RAB27B: variants seen among roughly 807,000 people sequenced by gnomAD.
RAB27B encodes the protein RAB27B, member RAS oncogene family.
In RAB27B, 15 loss-of-function variants were observed where a neutral mutation model predicts 24.6. The ratio of observed to expected loss-of-function variants is 0.61; its 90% CI spans 0.41 to 0.94. RAB27B has a LOEUF of 0.94. RAB27B is among the 40% of genes least tolerant of loss of function. The probability of loss-of-function intolerance (pLI) is 0.00; values close to 1 mark genes in which losing one functional copy is unlikely to be tolerated. For missense variants in RAB27B, 261 were observed against 266.8 expected (o/e 0.98, Z 0.15); for synonymous variants, 105 against 92.5 (o/e 1.14, Z -0.78).
intron 2 of RAB27B, among the ~76,000 whole-genome samples, chr18:54,785,389 A>C (rs907000244): frequency 1.4e-5 from 2 of 146,472 alleles, no homozygotes; most frequent in Non-Finnish European, 3.0e-5. Context: ...GGCATCAGCC[A>C]CTGAACCCGG....
At chr18:54,875,569 G>T (rs1160837915) in intron 1 of RAB27B, among the ~76,000 whole-genome samples, 1 of 150,528 alleles carries the variant, frequency 6.6e-6, no homozygotes, top group African/African-American at 2.5e-5. Flanking sequence ...AACATCCATG[G>T]TCAGCAAAAA....
chr18:54,744,455 A>G lies in RAB27B; in HGVS notation c.-20+26314A>G, dbSNP rs533305828. 3.9e-5 allele frequency among the ~76,000 whole-genome samples: 6 copies of G among 152,342 alleles called. No homozygotes were observed. The South Asian group carries it at 6.2e-4, about 16-fold the overall frequency. Reference sequence around the variant, plus strand: ...AGCTTGTTTCTTTTTGAAGGAGAATATAGAGAGGGTCAGGCCCAAGGCTAT... The same window carrying G: ...AGCTTGTTTCTTTTTGAAGGAGAATGTAGAGAGGGTCAGGCCCAAGGCTAT... On this transcript the variant is annotated intron_variant, in intron 2 of 4. Coordinates refer to the RAB27B transcript ENST00000586570.
intron 2 of RAB27B, among the ~76,000 whole-genome samples, chr18:54,771,566 A>G (rs533855993): frequency 8.4e-4 from 126 of 150,530 alleles, no homozygotes; most frequent in African/African-American, 2.9e-3. Context: ...ACAAAATGGT[A>G]TTATGGTGAT....
intron 2 of RAB27B, among the ~76,000 whole-genome samples, chr18:54,812,768 ATAATT>A (rs1228257429): frequency 2.0e-5 from 3 of 152,198 alleles, no homozygotes; most frequent in African/African-American, 7.2e-5. Context: ...AAATACTAGA[ATAATT>A]TAAATCGTAG....
rs995103922 is a variant in RAB27B, at chr18:54,828,608, G to C, written c.-112G>C. The C allele has an allele frequency of 3.3e-5, 5 of 152,312 alleles. No homozygotes were observed. Among genetic ancestry groups the C allele is most frequent in the Admixed American group, 2.6e-4 (4 of 15,286 alleles). The allele number at this position is 152,312 out of a possible 1,614,324, so 9.4% of individuals were successfully genotyped here. A position where few individuals can be genotyped will look rare whatever the true frequency, so the allele number is the denominator to read the frequency against. On this transcript the variant is annotated 5_prime_UTR_variant, in exon 1 of 6. Coordinates refer to ENST00000262094, the MANE Select transcript of RAB27B (RefSeq NM_004163.4). ...GAGCAGATCCTGTCTCCTTGCTGACGGTGGAGCCCGGGAGTTCCAGGGCTT... is the reference window on the plus strand; with the variant it reads ...GAGCAGATCCTGTCTCCTTGCTGACCGTGGAGCCCGGGAGTTCCAGGGCTT...
At chr18:54,738,233 G>A (rs1325124205) in intron 2 of RAB27B, among the ~76,000 whole-genome samples, 1 of 152,084 alleles carries the variant, frequency 6.6e-6, no homozygotes, top group Non-Finnish European at 1.5e-5. Context: ...TTCCACATAA[G>A]AATAACTGGA....
At chr18:54,836,907 G>A (rs1452591626) in intron 1 of RAB27B, among the ~76,000 whole-genome samples, 1 of 150,098 alleles carries the variant, frequency 6.7e-6, no homozygotes, top group Non-Finnish European at 1.5e-5. Context: ...GGTTAAAGCT[G>A]ATGATGTTAT....
At chr18:54,722,301 A>G (rs939123065) in intron 2 of RAB27B, among the ~76,000 whole-genome samples, 2 of 152,198 alleles carry the variant, frequency 1.3e-5, no homozygotes, top group South Asian at 2.1e-4. Context: ...CGAATCTTCT[A>G]AAGAGCAAGC....
At chr18:54,876,364 T>C (rs1434343667) in intron 1 of RAB27B, among the ~76,000 whole-genome samples, 1 of 152,090 alleles carries the variant, frequency 6.6e-6, no homozygotes, top group Non-Finnish European at 1.5e-5. Context: ...GTTGTTGAAA[T>C]TTAATTTTGA....
intron 2 of RAB27B, among the ~76,000 whole-genome samples, chr18:54,748,785 G>T (rs1380537007): frequency 3.3e-5 from 5 of 152,110 alleles, no homozygotes; most frequent in Non-Finnish European, 5.9e-5. Context: ...AGATGAAAAA[G>T]GTATACAGCA....
intron 1 of RAB27B, among the ~76,000 whole-genome samples, chr18:54,868,751 C>A (rs9958041): frequency 0.013 from 1,959 of 152,156 alleles, 58 homozygotes; most frequent in African/African-American, 0.045. Flanking sequence ...CTCAGCCTCC[C>A]AAGTAGCTGA....
At chr18:54,790,386 C>T (rs759617654) in intron 2 of RAB27B, among the ~76,000 whole-genome samples, 12 of 151,986 alleles carry the variant, frequency 7.9e-5, no homozygotes, top group Non-Finnish European at 1.3e-4. Flanking sequence ...TCAAATACTC[C>T]CAACCATTTT....
chr18:54,866,344 G>A lies in RAB27B; in HGVS notation c.-19-11223G>A, dbSNP rs140189206. ...GGGGTCTCGCTCTGTAGCCCAGGCT[G>A]GAGTGCAATGGCGCTATATCTTCTC... is the stretch of plus-strand genomic sequence containing the variant. On this transcript the variant is annotated intron_variant, in intron 1 of 5. Transcript: ENST00000262094. Among the ~76,000 whole-genome samples, 385 of 152,038 alleles carry A rather than the reference G, an allele frequency of 2.5e-3. 1 individual carries two copies. Among genetic ancestry groups the A allele is most frequent in the Middle Eastern group, 0.017 (5 of 294 alleles).
chr18:54,840,592 A>G (rs1482466574), intron 1 of RAB27B, among the ~76,000 whole-genome samples: 5 of 147,914 alleles, frequency 3.4e-5, no homozygotes, highest in African/African-American at 1.2e-4. Context: ...TAAATATTCC[A>G]TTACACTGGC....
At chr18:54,793,139 TTATGA>T (rs1206387390) in intron 2 of RAB27B, among the ~76,000 whole-genome samples, 1 of 152,138 alleles carries the variant, frequency 6.6e-6, no homozygotes, top group East Asian at 1.9e-4. Context: ...AATGGCTAAC[TTATGA>T]TATTATTATG....
chr18:54,868,985 G>C (rs1912360597), intron 1 of RAB27B, among the ~76,000 whole-genome samples: 1 of 152,146 alleles, frequency 6.6e-6, no homozygotes, highest in East Asian at 1.9e-4. Flanking sequence ...GTGTAGTACT[G>C]TTTTGTTCCT....
At chr18:54,793,147 T>C (rs1198817192) in intron 2 of RAB27B, among the ~76,000 whole-genome samples, 1 of 152,160 alleles carries the variant, frequency 6.6e-6, no homozygotes, top group African/African-American at 2.4e-5. Flanking sequence ...ACTTATGATA[T>C]TATTATGTGA....
At chr18:54,753,997 G>A (rs1907919802) in intron 2 of RAB27B, among the ~76,000 whole-genome samples, 1 of 152,152 alleles carries the variant, frequency 6.6e-6, no homozygotes, top group Non-Finnish European at 1.5e-5. Context: ...GGTTGAACAG[G>A]ACTGTTCTTT....
intron 2 of RAB27B, among the ~76,000 whole-genome samples, chr18:54,784,603 TG>T: frequency 6.6e-6 from 1 of 152,356 alleles, no homozygotes; most frequent in East Asian, 1.9e-4. Flanking sequence ...CTTAGGATAA[TG>T]GCCTCCAGCT....
Sources: gnomAD v4.1 joint callset for allele counts (sites outside exome capture counted in the v4.1 genomes callset) on GRCh38, gnomAD v4.1.1 for gene constraint, MANE v1.5 for transcripts, NCBI Gene and HGNC (gene_info 2026-07-23, HGNC 2026-07-21) for gene names.